The following PLET1 variants were observed in gnomAD, a reference collection of about 807,000 sequenced individuals.
PLET1 encodes the protein placenta-expressed transcript 1 protein.
PLET1 carries 20 observed loss-of-function variants against 18.5 expected under a neutral mutation model. The observed-to-expected ratio is 1.08, with a 90% confidence interval of 0.76 to 1.57. The LOEUF is 1.57. Ranked by LOEUF, PLET1 falls within the 40% of genes most tolerant of loss-of-function variation. The pLI, the probability that PLET1 is intolerant of heterozygous loss-of-function variation, is 0.00. For synonymous variants in PLET1, 93 were observed against 93.8 expected (o/e 0.99, Z 0.05); for missense variants, 256 against 246.4 (o/e 1.04, Z -0.26).
At chr11:112,252,277 AC>A in intron 3 of PLET1, 70 bp downstream of exon 3, 1 of 1,366,608 alleles carries the variant, frequency 7.3e-7, no homozygotes. Context: ...TTTCTAGGGA[AC>A]CCACAAGGTA....
chr11:112,255,378 A>AG lies in PLET1; in HGVS notation c.386+9dup. 1 of 1,551,890 alleles carries AG rather than the reference A, an allele frequency of 6.4e-7. No homozygotes were observed. Among genetic ancestry groups the AG allele is most frequent in the South Asian group, 1.2e-5 (1 of 84,058 alleles). On this transcript the variant is annotated intron_variant, in intron 2 of 3. Transcript: ENST00000338832. ...TTTAAAGCCCAAAGCAAAGCAAGCT[A>AG]GGTTCTTACTGTATCTCCACTTCAG...
intron 2 of PLET1, among the ~76,000 whole-genome samples, chr11:112,254,810 GGTGTGTGTGGCAT>G (rs1860201256): frequency 7.4e-6 from 1 of 134,820 alleles, no homozygotes; most frequent in South Asian, 2.6e-4. Flanking sequence ...GTGCATGTGT[GGTGTGTGTGGCAT>G]GTGGGGTGTA....
At chr11:112,251,992 T>C (rs1373340424) in intron 3 of PLET1, among the ~76,000 whole-genome samples, 1 of 152,230 alleles carries the variant, frequency 6.6e-6, no homozygotes, top group Non-Finnish European at 1.5e-5. Context: ...ATTAAGGCTT[T>C]GTGTGAGTGG....
chr11:112,251,886 C>T (rs539100166), intron 3 of PLET1, among the ~76,000 whole-genome samples: 1 of 152,364 alleles, frequency 6.6e-6, no homozygotes, highest in Admixed American at 6.5e-5. Context: ...GAACTAAAGA[C>T]ATTGCTATTT....
At chr11:112,251,923 A>G (rs956875670) in intron 3 of PLET1, among the ~76,000 whole-genome samples, 7 of 152,028 alleles carry the variant, frequency 4.6e-5, no homozygotes, top group Admixed American at 3.9e-4. Flanking sequence ...TCTTTGTGCA[A>G]CTCCCCAGCC....
At chr11:112,251,611 T>C (rs916680241) in intron 3 of PLET1, among the ~76,000 whole-genome samples, 2 of 152,158 alleles carry the variant, frequency 1.3e-5, no homozygotes, top group Non-Finnish European at 2.9e-5. Flanking sequence ...AAAGTCTCAC[T>C]GTGTTGCCCA....
At chr11:112,252,498 T>A in intron 2 of PLET1, 89 bp from the exon 3 acceptor site, 3 of 1,135,294 alleles carry the variant, frequency 2.6e-6, no homozygotes, top group Non-Finnish European at 3.9e-6. Context: ...CCCCGCCGCT[T>A]AATTCCTTTT....
intron 1 of PLET1, among the ~76,000 whole-genome samples, chr11:112,257,396 A>G (rs1367037): frequency 0.67 from 99,223 of 149,142 alleles, 34,235 homozygotes; most frequent in South Asian, 0.81. Context: ...AAACTGTTGC[A>G]TTCTTAATCA....
intron 3 of PLET1, among the ~76,000 whole-genome samples, chr11:112,250,318 A>G (rs1389026539): frequency 2.1e-5 from 3 of 142,256 alleles, no homozygotes; most frequent in South Asian, 2.2e-4. Context: ...AGTCAACTAC[A>G]TCTTGCAACT....
Position 112,260,200 on chromosome 11 carries a change from G to T in PLET1, c.184+206C>A, listed in dbSNP as rs751592506. 369 of 542,728 alleles carry T rather than the reference G, an allele frequency of 6.8e-4. 2 individuals carry two copies. The highest frequency in any genetic ancestry group is 1.2e-4 in the Non-Finnish European group (38 of 317,250). The allele number at this position is 542,728 out of a possible 1,614,324, so 33.6% of individuals were successfully genotyped here. On this transcript the variant is annotated intron_variant, in intron 1 of 3. Transcript: ENST00000338832. ...GGGTTGGGGCTTTCTCGCTCCTGTG[G>T]CTTGAGTTCACAAGGAATTTGCAGA...
intron 1 of PLET1, among the ~76,000 whole-genome samples, chr11:112,259,858 A>G (rs1171920663): frequency 2.6e-5 from 4 of 152,030 alleles, no homozygotes; most frequent in African/African-American, 9.7e-5. Context: ...GTCAACATGG[A>G]GAAGCCCCAT....
In PLET1 at chr11:112,260,397, T is replaced by G. The variant is rs746146724; in HGVS notation, c.184+9A>C. On this transcript the variant is annotated intron_variant, in intron 1 of 3. Coordinates refer to ENST00000338832, the MANE Select transcript of PLET1 (RefSeq NM_001145024.1). ...ACAAAGGACAGCAGAGAGCATGGCT[T>G]CTACTCACCAGAATAGACTGCATTG... 197 of 1,548,842 alleles carry G rather than the reference T, an allele frequency of 1.3e-4. No individual in the cohort carries two copies. Among genetic ancestry groups the G allele is most frequent in the Non-Finnish European group, 1.6e-4 (186 of 1,144,984 alleles).
At chr11:112,253,355 G>T (rs1195592914) in intron 2 of PLET1, among the ~76,000 whole-genome samples, 3 of 152,138 alleles carry the variant, frequency 2.0e-5, no homozygotes, top group Non-Finnish European at 4.4e-5. Context: ...CACCATTGTG[G>T]AGTCCCCTGC....
intron 3 of PLET1, among the ~76,000 whole-genome samples, chr11:112,250,711 C>T (rs193202732): frequency 6.6e-6 from 1 of 152,238 alleles, no homozygotes; most frequent in Admixed American, 6.5e-5. Flanking sequence ...AGTAAACTAT[C>T]TCTTTTCACT....
intron 1 of PLET1, among the ~76,000 whole-genome samples, chr11:112,260,074 C>G (rs1168649498): frequency 2.6e-5 from 4 of 152,094 alleles, no homozygotes; most frequent in East Asian, 1.9e-4. Context: ...AGATTATACA[C>G]TGGAATGCAA....
In PLET1 at chr11:112,252,425, CAA is replaced by C; in HGVS notation, c.387-18_387-17del. The C allele has an allele frequency of 5.8e-6, 9 of 1,548,828 alleles. No individual in the cohort carries two copies. The highest frequency in any genetic ancestry group is 7.0e-6 in the Non-Finnish European group (8 of 1,144,504). ...AGTGAAAGCTCTGTGGAGGGCAAATCAATGAGAGATAATGCTGAGGACCTCAT... is the reference window on the plus strand; with the variant it reads ...AGTGAAAGCTCTGTGGAGGGCAAATCTGAGAGATAATGCTGAGGACCTCAT... On this transcript the variant is annotated splice_polypyrimidine_tract_variant and intron_variant, in intron 2 of 3. Transcript: ENST00000338832.
At chr11:112,258,570 C>T (rs1402490004) in intron 1 of PLET1, among the ~76,000 whole-genome samples, 1 of 152,222 alleles carries the variant, frequency 6.6e-6, no homozygotes, top group Non-Finnish European at 1.5e-5. Flanking sequence ...AGGTGTGAGC[C>T]ACCATGCTCA....
rs938451658 is a variant in PLET1 at position 112,260,572 on chromosome 11, G to T, written c.18C>A (p.Asp6Glu). 2 of 1,551,256 alleles carry T rather than the reference G, an allele frequency of 1.3e-6. No individual in the cohort carries two copies. Among genetic ancestry groups the T allele is most frequent in the African/African-American group, 2.7e-5 (2 of 73,046 alleles). The change falls in exon 1 of 4, where the codon GAC (aspartate) becomes GAA (glutamate). Residue 6 changes from aspartate (D) to glutamate (E), a missense_variant. Asp to Glu is a conservative substitution (Grantham distance 45, BLOSUM62 2). Coordinates refer to ENST00000338832, the MANE Select transcript of PLET1 (RefSeq NM_001145024.1). ...ACATCCCCAGTGGCTGCAGCAGCAT[G>T]TCATGGAAGACTGCCATGGTCTCAG... MAVFH[D>E]MLLQPLGMFL...
At position 112,248,230 on chromosome 11, in the gene PLET1, A is replaced by C. The variant is rs994848490; in HGVS notation, c.*569T>G. Among the ~76,000 whole-genome samples the C allele has an allele frequency of 6.6e-6, 1 of 152,168 alleles. No individual in the cohort carries two copies. The highest frequency in any genetic ancestry group is 2.4e-5 in the African/African-American group (1 of 41,436). The stretch of plus-strand genomic sequence containing the variant: ...TTTTTATAACATAGTTTTTTTCTAT[A>C]TTGGCTTCTCAGACATGGTTCGTTC... On this transcript the variant is annotated 3_prime_UTR_variant, in exon 4 of 4. Transcript: ENST00000338832.
Sources: gnomAD v4.1 joint callset for allele counts (sites outside exome capture counted in the v4.1 genomes callset) on GRCh38, gnomAD v4.1.1 for gene constraint, MANE v1.5 for transcripts, NCBI Gene and HGNC (gene_info 2026-07-23, HGNC 2026-07-21) for gene names.